CTCFL: variants seen among roughly 807,000 people sequenced by gnomAD.
The protein encoded by CTCFL is transcriptional repressor CTCFL.
A neutral mutation model predicts 67.4 loss-of-function variants in CTCFL; 36 were observed. The observed-to-expected ratio is 0.53, with a 90% confidence interval of 0.41 to 0.71. CTCFL has a LOEUF of 0.71. Ranked by LOEUF, CTCFL falls within the 30% of genes least tolerant of loss-of-function variation. The pLI is 0.00. For missense variants in CTCFL, 786 were observed against 835.2 expected (o/e 0.94, Z 0.73); for synonymous variants, 324 against 302.3 (o/e 1.07, Z -0.75).
At chr20:57,514,532 G>A (rs1458404484) in intron 7 of CTCFL, 60 bp downstream of exon 7, 1 of 1,588,192 alleles carries the variant, frequency 6.3e-7, no homozygotes, top group African/African-American at 1.3e-5. Context: ...AGGTTTATAG[G>A]ACCACGCTCC....
Position 57,508,650 on chromosome 20 carries a change from T to C in CTCFL, c.1630A>G (p.Thr544Ala). 1 of 1,614,158 alleles carries C rather than the reference T, an allele frequency of 6.2e-7. No homozygotes were observed. Among genetic ancestry groups the C allele is most frequent in the Non-Finnish European group, 8.5e-7 (1 of 1,180,026 alleles). ...CCACACTTGGAGCATTTGTAAACAG[T>C]CGGGATGAAATTTGCATCGTGGTAT... ...RKYHDANFIPTVYKCSKCGKG... is the reference protein window; with the variant it reads ...RKYHDANFIPAVYKCSKCGKG... Residue 544 changes from threonine (T) to alanine (A), a missense_variant, in exon 9 of 11, where the codon ACT becomes GCT. Physicochemically the swap from Thr to Ala is moderately conservative, Grantham distance 58 (BLOSUM62 0). This residue lies in a region of CTCFL where 199 missense variants were observed against 196.7 expected (regional missense o/e 1.01). Transcript: ENST00000243914.
chr20:57,523,957 C>T lies in CTCFL; in HGVS notation c.249G>A (p.Gln83=). Residue 83 remains glutamine (Q), a synonymous_variant, in exon 2 of 11, where the codon CAG becomes CAA. Coordinates refer to ENST00000243914, the MANE Select transcript of CTCFL (RefSeq NM_001386993.1). The part of the protein sequence containing the change: ...EESEKYILTL[Q]TVHFTSEAVE... ...CAGCTTCAGAAGTGAAGTGCACCGTCTGCAGGGTCAGGATGTACTTCTCGC... is the reference window on the plus strand; with the variant it reads ...CAGCTTCAGAAGTGAAGTGCACCGTTTGCAGGGTCAGGATGTACTTCTCGC... 1 of 1,613,170 alleles carries T rather than the reference C, an allele frequency of 6.2e-7. No individual in the cohort carries two copies. Among genetic ancestry groups the T allele is most frequent in the South Asian group, 1.1e-5 (1 of 91,076 alleles).
chr20:57,507,148 T>C, intron 9 of CTCFL: 8 of 546,880 alleles, frequency 1.5e-5, no homozygotes, highest in Non-Finnish European at 1.9e-5. Context: ...CCCACTCGAG[T>C]GTGGGTGGGA....
At chr20:57,513,695 G>T (rs543779959) in intron 7 of CTCFL, 2 of 1,188,448 alleles carry the variant, frequency 1.7e-6, no homozygotes, top group Non-Finnish European at 1.1e-6. Context: ...TAAAAGTGAA[G>T]ACTTTGTGGA....
Position 57,514,583 on chromosome 20 carries a change from A to C in CTCFL, c.1330+9T>G, listed in dbSNP as rs2068779560. 6.2e-7 allele frequency: 1 copy of C among 1,613,826 alleles called. No individual in the cohort carries two copies. Among genetic ancestry groups the C allele is most frequent in the Admixed American group, 1.7e-5 (1 of 59,984 alleles). On this transcript the variant is annotated intron_variant, in intron 7 of 10. Transcript: ENST00000243914. ...GCTGTAGTAAAAGAAAGATCGCTAA[A>C]CCACTCACGTAGGTCGCTTTTCCGT...
In CTCFL at chr20:57,497,592, A is replaced by G. The variant is rs1389145536; in HGVS notation, c.*958T>C. The G allele has an allele frequency of 5.1e-6, 5 of 985,326 alleles. No homozygotes were observed. The highest frequency in any genetic ancestry group is 6.0e-6 in the Non-Finnish European group (5 of 829,940). 61.0% of individuals were successfully genotyped at this position (985,326 alleles called of 1,614,324 possible). On this transcript the variant is annotated 3_prime_UTR_variant, in exon 11 of 11. Transcript: ENST00000243914. ...AAAGAGGCATCTCTCACGCTGCTCG[A>G]GGGTGGAAAAATCTTGTCAACTGGC...
chr20:57,520,680 G>A (rs921639827), intron 3 of CTCFL, among the ~76,000 whole-genome samples: 2 of 152,162 alleles, frequency 1.3e-5, no homozygotes, highest in Admixed American at 6.5e-5. Flanking sequence ...AACAACACAA[G>A]ATCATCTCAA....
At chr20:57,503,983 A>G (rs1203086548) in intron 9 of CTCFL, among the ~76,000 whole-genome samples, 1 of 151,780 alleles carries the variant, frequency 6.6e-6, no homozygotes, top group Non-Finnish European at 1.5e-5. Context: ...AACAATAGCC[A>G]AGGAAGCTAC....
At chr20:57,501,900 G>A (rs904590467) in intron 10 of CTCFL, among the ~76,000 whole-genome samples, 22 of 152,236 alleles carry the variant, frequency 1.4e-4, no homozygotes, top group African/African-American at 4.8e-4. Context: ...GGGCAGGCTC[G>A]TCCCCACCCT....
chr20:57,515,458 T>C lies in CTCFL; in HGVS notation c.1180+256A>G, dbSNP rs1430040632. 3 of 445,954 alleles carry C rather than the reference T, an allele frequency of 6.7e-6. No homozygotes were observed. The East Asian group carries it at 1.4e-4, about 21-fold the overall frequency. 27.6% of individuals were successfully genotyped at this position (445,954 alleles called of 1,614,324 possible). A position where few individuals can be genotyped will look rare whatever the true frequency, so the allele number is the denominator to read the frequency against. On this transcript the variant is annotated intron_variant, in intron 6 of 10. Transcript: ENST00000243914. Reference sequence around the variant, plus strand: ...CCATGCCTGGCCAGGAGTTGAGTTTTAAATACCTGAAAAATCTACGGAAGC... The same window carrying C: ...CCATGCCTGGCCAGGAGTTGAGTTTCAAATACCTGAAAAATCTACGGAAGC...
In CTCFL at chr20:57,514,706, G is replaced by A. The variant is rs372454921; in HGVS notation, c.1216C>T (p.Arg406Cys). Residue 406 changes from arginine (R) to cysteine (C), a missense_variant, in exon 7 of 11, where the codon CGC becomes TGC. Around this residue, in one of 3 missense-constraint regions of CTCFL, gnomAD observed 254 missense variants for 333.9 expected, o/e 0.76. Coordinates refer to ENST00000243914, the MANE Select transcript of CTCFL (RefSeq NM_001386993.1). ...KPYECHICHT[R>C]FTQSGTMKIH... ...TTCATGGTCCCGCTCTGGGTGAAGC[G>A]GGTGTGGCAGATGTGGCATTCGTAA... 1.2e-4 allele frequency: 190 copies of A among 1,614,064 alleles called. No individual in the cohort carries two copies. The highest frequency in any genetic ancestry group is 1.6e-4 in the Non-Finnish European group (185 of 1,180,030).
rs1487656992 is a variant in CTCFL, at chr20:57,497,903, C to A, written c.*647G>T. ...TATACCAAAGTAAAATCGATTTATT[C>A]CTTATTTTCTAGTCTAATCTAGTAT... On this transcript the variant is annotated 3_prime_UTR_variant, in exon 11 of 11. Coordinates refer to ENST00000243914, the MANE Select transcript of CTCFL (RefSeq NM_001386993.1). The A allele has an allele frequency of 1.0e-6, 1 of 958,492 alleles. No individual in the cohort carries two copies. Among genetic ancestry groups the A allele is most frequent in the Non-Finnish European group, 1.2e-6 (1 of 805,848 alleles). The allele number at this position is 958,492 out of a possible 1,614,324, so 59.4% of individuals were successfully genotyped here.
intron 3 of CTCFL, 27 bp from the exon 4 acceptor site, chr20:57,519,404 T>C: frequency 1.9e-6 from 3 of 1,593,124 alleles, no homozygotes; most frequent in African/African-American, 2.7e-5. Context: ...GTTTATGTAT[T>C]TGTTAGAGGT....
chr20:57,516,224 G>A (rs1403781729), intron 5 of CTCFL, among the ~76,000 whole-genome samples: 1 of 151,538 alleles, frequency 6.6e-6, no homozygotes, highest in Non-Finnish European at 1.5e-5. Flanking sequence ...TTTTTTCCTT[G>A]CATAAAGTGA....
chr20:57,505,402 T>C (rs962492547), intron 9 of CTCFL, among the ~76,000 whole-genome samples: 15 of 151,568 alleles, frequency 9.9e-5, no homozygotes, highest in Non-Finnish European at 2.1e-4. Context: ...ACTACAGGCA[T>C]GTGCCACCAC....
At position 57,524,133 on chromosome 20, in the gene CTCFL, T is replaced by C; in HGVS notation, c.73A>G (p.Lys25Glu). ...TCTTTTTCCTCCTCCTTCAGGCCTT[T>C]TTCCGGCATCAACTCGAGTTCTTTG... ...KIKELELMPE[K>E]GLKEEEKDGV... Residue 25 changes from lysine to glutamate, a missense_variant, in exon 2 of 11, where the codon AAA (lysine) becomes GAA (glutamate). This residue lies in a region of CTCFL where 333 missense variants were observed against 304.6 expected (regional missense o/e 1.09). Coordinates refer to ENST00000243914, the MANE Select transcript of CTCFL (RefSeq NM_001386993.1). 6.2e-7 allele frequency: 1 copy of C among 1,613,654 alleles called. No homozygotes were observed. The highest frequency in any genetic ancestry group is 1.3e-5 in the African/African-American group (1 of 75,030).
At position 57,498,501 on chromosome 20, in the gene CTCFL, T is replaced by C. The variant is rs1478345878; in HGVS notation, c.*49A>G. On this transcript the variant is annotated 3_prime_UTR_variant, in exon 11 of 11. Coordinates refer to ENST00000243914, the MANE Select transcript of CTCFL (RefSeq NM_001386993.1). ...TCACACCTTAAATGCTAAAAACTTC[T>C]AACTTGCTTTAGGAATTGGGGGCAG... is the stretch of plus-strand genomic sequence containing the variant. 4.4e-6 allele frequency: 7 copies of C among 1,582,608 alleles called. No homozygotes were observed. In the African/African-American group the frequency reaches 9.4e-5, roughly 21 times the overall value.
At chr20:57,524,604 G>C (rs925240455) in intron 1 of CTCFL, 1 of 1,026,456 alleles carries the variant, frequency 9.7e-7, no homozygotes, top group Non-Finnish European at 1.2e-6. Flanking sequence ...GTAAGGTTTG[G>C]GCCCAGCAGG....
At chr20:57,514,077 C>T (rs867473862) in intron 7 of CTCFL, among the ~76,000 whole-genome samples, 1 of 152,164 alleles carries the variant, frequency 6.6e-6, no homozygotes, top group Non-Finnish European at 1.5e-5. Context: ...GTTACAGGCC[C>T]GCCTCCTTTC....
Sources: gnomAD v4.1 joint callset for allele counts (sites outside exome capture counted in the v4.1 genomes callset) on GRCh38, gnomAD v4.1.1 for gene constraint, gnomAD v4.1.1 regional missense constraint, MANE v1.5 for transcripts, NCBI Gene and HGNC (gene_info 2026-07-23, HGNC 2026-07-21) for gene names.